The following AHRR variants were observed in gnomAD, a reference collection of about 807,000 sequenced individuals.
The protein encoded by AHRR is ahR repressor.
In AHRR, 28 loss-of-function variants were observed where a neutral mutation model predicts 44.0. The observed-to-expected ratio is 0.64, with a 90% CI of 0.47 to 0.87. The LOEUF is 0.87. Among genes scored for constraint, AHRR ranks in the 40% least tolerant of loss-of-function variants. The pLI, the probability that AHRR is intolerant of heterozygous loss-of-function variation, is 0.00. For synonymous variants in AHRR, 434 were observed against 407.0 expected, an observed-to-expected ratio of 1.07 and a Z score of -0.80; for missense variants, 990 against 953.9, an observed-to-expected ratio of 1.04 and a Z score of -0.50.
At chr5:335,777 C>T (rs1041081784) in intron 1 of AHRR, among the ~76,000 whole-genome samples, 2 of 152,212 alleles carry the variant, frequency 1.3e-5, no homozygotes, top group Non-Finnish European at 1.5e-5. Flanking sequence ...AAAGCTGATC[C>T]ATCAGCCTTG....
At chr5:376,757 T>C (rs564461726) in intron 4 of AHRR, 41 bp downstream of exon 4, 2 of 1,516,630 alleles carry the variant, frequency 1.3e-6, no homozygotes, top group South Asian at 1.2e-5. Flanking sequence ...TGACACTTGG[T>C]TCTCCGTGTC....
At chr5:424,534 A>G (rs1334712142) in intron 7 of AHRR, among the ~76,000 whole-genome samples, 2 of 151,610 alleles carry the variant, frequency 1.3e-5, no homozygotes, top group African/African-American at 4.8e-5. Flanking sequence ...GCCTCTGGGC[A>G]TGCGTGATGA....
chr5:381,641 A>G (rs1471590117), intron 4 of AHRR, among the ~76,000 whole-genome samples: 1 of 148,268 alleles, frequency 6.7e-6, no homozygotes, highest in African/African-American at 2.5e-5. Context: ...CAGCCTCCCA[A>G]GTAGCTGGGA....
intron 1 of AHRR, among the ~76,000 whole-genome samples, chr5:339,980 T>C (rs1363236816): frequency 6.6e-6 from 1 of 152,258 alleles, no homozygotes; most frequent in Non-Finnish European, 1.5e-5. Flanking sequence ...TTTGTGTCTA[T>C]GTTCATGTGG....
At chr5:403,982 C>T (rs1735145721) in intron 4 of AHRR, 1 of 1,202,394 alleles carries the variant, frequency 8.3e-7, no homozygotes, top group Admixed American at 1.7e-5. Context: ...ACATTTTCTG[C>T]TTTCTTTACA....
At chr5:373,036 G>C (rs528996952) in intron 3 of AHRR, among the ~76,000 whole-genome samples, 1 of 152,350 alleles carries the variant, frequency 6.6e-6, no homozygotes, top group African/African-American at 2.4e-5. Flanking sequence ...CATTCTCGCT[G>C]TTCCAAATGA....
At chr5:382,487 A>G (rs1734024281) in intron 4 of AHRR, among the ~76,000 whole-genome samples, 1 of 152,170 alleles carries the variant, frequency 6.6e-6, no homozygotes, top group South Asian at 2.1e-4. Flanking sequence ...TGTAGGTTCC[A>G]TGGTGATGTC....
chr5:379,376 C>G (rs1001607490), intron 4 of AHRR, among the ~76,000 whole-genome samples: 1 of 152,194 alleles, frequency 6.6e-6, no homozygotes, highest in Non-Finnish European at 1.5e-5. Flanking sequence ...ATGAATGGAG[C>G]TGCAGTCAAT....
Position 434,172 on chromosome 5 carries a change from C to A in AHRR, c.1432C>A (p.Pro478Thr), listed in dbSNP as rs574712182. 2.5e-6 allele frequency: 4 copies of A among 1,599,904 alleles called. No homozygotes were observed. Among genetic ancestry groups the A allele is most frequent in the Non-Finnish European group, 3.4e-6 (4 of 1,173,402 alleles). Reference sequence around the variant, plus strand: ...GGATGTCGGTGAGGACCAGGTGCACCCTCCCCTCTGCCACTTTCCCCAGAG... The same window carrying A: ...GGATGTCGGTGAGGACCAGGTGCACACTCCCCTCTGCCACTTTCCCCAGAG... ...MRDVGEDQVH[P>T]PLCHFPQRSL... The change falls in exon 11 of 11, where the codon CCT becomes ACT. Residue 478 changes from proline (P) to threonine (T), a missense_variant. Transcript: ENST00000684583.
intron 3 of AHRR, 34 bp from the exon 4 acceptor site, chr5:376,576 G>GAAGGAGAAGGGCGGGGAGAAGGC: frequency 6.5e-7 from 1 of 1,527,610 alleles, no homozygotes; most frequent in Non-Finnish European, 8.8e-7. Context: ...GCCAAGGGTT[G>GAAGGAGAAGGGCGGGGAGAAGGC]GGGGTGCCTA....
intron 8 of AHRR, among the ~76,000 whole-genome samples, chr5:428,454 G>A (rs368486812): frequency 2.6e-5 from 4 of 152,210 alleles, no homozygotes; most frequent in Admixed American, 6.5e-5. Flanking sequence ...CGGCACAGCT[G>A]CCCCTCCAGC....
Position 337,354 on chromosome 5 carries a change from A to G in AHRR, c.-10-6539A>G, listed in dbSNP as rs1217560791. Among the ~76,000 whole-genome samples the G allele has an allele frequency of 6.6e-6, 1 of 152,158 alleles. No individual in the cohort carries two copies. Among genetic ancestry groups the G allele is most frequent in the Non-Finnish European group, 1.5e-5 (1 of 68,038 alleles). ...TCTAAAACGTGGATTTTAAAAAATC[A>G]GCTCTCTGTTTTTCTTTATGTGTAT... is the stretch of plus-strand genomic sequence containing the variant. On this transcript the variant is annotated intron_variant, in intron 1 of 10. Coordinates refer to ENST00000684583, the MANE Select transcript of AHRR (RefSeq NM_001377236.1). This position sits in a 1 kb window ranked among gnomAD's most constrained non-coding sequence, Gnocchi z 4.1.
intron 2 of AHRR, among the ~76,000 whole-genome samples, chr5:346,665 C>T (rs1341208727): frequency 1.3e-5 from 2 of 152,210 alleles, no homozygotes; most frequent in African/African-American, 4.8e-5. Context: ...TCCTTGGCCC[C>T]CAGGGACGGC....
chr5:328,041 T>G (rs1741774378), intron 1 of AHRR, among the ~76,000 whole-genome samples: 1 of 152,092 alleles, frequency 6.6e-6, no homozygotes, highest in Non-Finnish European at 1.5e-5. Flanking sequence ...GGTGTTTGTT[T>G]TTTTGTCCTT....
At chr5:372,680 C>T (rs983079543) in intron 3 of AHRR, among the ~76,000 whole-genome samples, 9 of 152,268 alleles carry the variant, frequency 5.9e-5, no homozygotes, top group African/African-American at 1.2e-4. Context: ...CCGTCTGCAC[C>T]GCCTCCCCCG....
chr5:382,860 C>G (rs911085646), intron 4 of AHRR, among the ~76,000 whole-genome samples: 1 of 152,060 alleles, frequency 6.6e-6, no homozygotes, highest in African/African-American at 2.4e-5. Context: ...GTTTAAATCA[C>G]TGATTTTTTT....
At chr5:403,616 T>C (rs970128045) in intron 4 of AHRR, 12 of 473,710 alleles carry the variant, frequency 2.5e-5, no homozygotes, top group African/African-American at 8.5e-5. Flanking sequence ...CCAGCCTAGG[T>C]GACAGAATGA....
chr5:340,688 A>ATATATATATATATATATTTT (rs1269938749), intron 1 of AHRR, among the ~76,000 whole-genome samples: 1 of 12,928 alleles, frequency 7.7e-5, no homozygotes, highest in Admixed American at 1.3e-3. Flanking sequence ...ATATATATAT[A>ATATATATATATATATATTTT]TTTTTTTTTT....
At chr5:420,340 C>T (rs189150746) in intron 5 of AHRR, among the ~76,000 whole-genome samples, 1 of 152,316 alleles carries the variant, frequency 6.6e-6, no homozygotes, top group East Asian at 1.9e-4. Context: ...AAGACAATCC[C>T]CTGGCAACAG....
Sources: gnomAD v4.1 joint callset for allele counts (sites outside exome capture counted in the v4.1 genomes callset) on GRCh38, gnomAD v4.1.1 for gene constraint, Gnocchi (gnomAD v3.1) non-coding constraint, MANE v1.5 for transcripts, NCBI Gene and HGNC (gene_info 2026-07-23, HGNC 2026-07-21) for gene names.